ZXDC: variants seen among roughly 807,000 people sequenced by gnomAD.
ZXDC encodes zinc finger protein ZXDC.
A neutral mutation model predicts 63.6 loss-of-function variants in ZXDC; 58 were observed. The observed-to-expected ratio is 0.91, with a 90% CI of 0.74 to 1.13. The LOEUF is 1.13. Among genes scored for constraint, ZXDC ranks in the 50% most tolerant of loss-of-function variants. The probability of loss-of-function intolerance (pLI) is 0.00; values close to 1 mark genes in which losing one functional copy is unlikely to be tolerated. For missense variants in ZXDC, 1,133 were observed against 1,148.9 expected (o/e 0.99, Z 0.20); for synonymous variants, 561 against 496.1 (o/e 1.13, Z -1.74).
At chr3:126,440,714 A>G in intron 8 of ZXDC, 1 of 985,574 alleles carries the variant, frequency 1.0e-6, no homozygotes, top group Non-Finnish European at 1.2e-6. Flanking sequence ...CCTCTCTAAG[A>G]CAAGCTTCAG....
At chr3:126,473,969 A>T (rs1352222704) in intron 1 of ZXDC, among the ~76,000 whole-genome samples, 1 of 152,164 alleles carries the variant, frequency 6.6e-6, no homozygotes, top group Non-Finnish European at 1.5e-5. Flanking sequence ...AAAGCAGGGA[A>T]AGCTGCCCAT....
chr3:126,464,366 G>A (rs1934668388), intron 5 of ZXDC, among the ~76,000 whole-genome samples: 1 of 152,182 alleles, frequency 6.6e-6, no homozygotes, highest in Non-Finnish European at 1.5e-5. Context: ...TGACAAAGCA[G>A]TGAGGAACCC....
At chr3:126,453,113 G>A (rs530402316) in intron 7 of ZXDC, 1 of 985,400 alleles carries the variant, frequency 1.0e-6, no homozygotes, top group Non-Finnish European at 1.2e-6. Flanking sequence ...TTCCACAAAG[G>A]GGGAGAACTG....
Position 126,475,782 on chromosome 3 carries a change from TGGGGCTCGG to T in ZXDC, c.75_83del (p.Arg26_Pro28del). ...GCGCGGGGCTCGCGCCGAGCGGCGCTGGGGCTCGGCGGAGCGGGCCGGGGCCGCCGCCAT... is the reference window on the plus strand; with the variant it reads ...GCGCGGGGCTCGCGCCGAGCGGCGCTCGGAGCGGGCCGGGGCCGCCGCCAT... On this transcript the variant is annotated inframe_deletion, in exon 1 of 10. Transcript: ENST00000389709. The T allele has an allele frequency of 3.6e-6, 4 of 1,121,686 alleles. No individual in the cohort carries two copies. The highest frequency in any genetic ancestry group is 4.4e-6 in the Non-Finnish European group (4 of 919,368). The allele number at this position is 1,121,686 out of a possible 1,614,324, so 69.5% of individuals were successfully genotyped here.
chr3:126,466,900 G>A (rs918836063), intron 4 of ZXDC, among the ~76,000 whole-genome samples: 2 of 152,102 alleles, frequency 1.3e-5, no homozygotes, highest in Admixed American at 1.3e-4. Flanking sequence ...AGGCATCAGA[G>A]GAAAAACAAG....
intron 7 of ZXDC, among the ~76,000 whole-genome samples, chr3:126,445,823 TC>T (rs1252664981): frequency 6.6e-6 from 1 of 151,994 alleles, no homozygotes; most frequent in Non-Finnish European, 1.5e-5. Flanking sequence ...TGTCCTAGAA[TC>T]CCTGACGGTA....
intron 9 of ZXDC, among the ~76,000 whole-genome samples, 187 bp from the exon 10 acceptor site, chr3:126,438,648 A>G (rs975366528): frequency 1.3e-5 from 2 of 152,218 alleles, no homozygotes; most frequent in African/African-American, 2.4e-5. Flanking sequence ...ACTGTACTGT[A>G]AATTTTTCAA....
At chr3:126,466,358 A>G (rs1934765953) in intron 4 of ZXDC, 33 bp from the exon 5 acceptor site, 2 of 1,613,142 alleles carry the variant, frequency 1.2e-6, no homozygotes, top group African/African-American at 1.3e-5. Context: ...AGTGAAACCC[A>G]AGGATCACCA....
At chr3:126,451,116 C>T (rs1483848557) in intron 7 of ZXDC, 14 of 985,334 alleles carry the variant, frequency 1.4e-5, no homozygotes, top group Non-Finnish European at 1.6e-5. Flanking sequence ...CTCTATTGCT[C>T]ACCATTTTGA....
intron 8 of ZXDC, chr3:126,441,108 C>T: frequency 1.0e-6 from 1 of 985,700 alleles, no homozygotes; most frequent in Non-Finnish European, 1.2e-6. Flanking sequence ...CTCCCCATTC[C>T]AGCCCCTCAA....
chr3:126,452,613 T>C, intron 7 of ZXDC: 8 of 963,362 alleles, frequency 8.3e-6, no homozygotes, highest in Non-Finnish European at 7.4e-6. Flanking sequence ...CATTAAATCA[T>C]TCTCAAGCTA....
rs777028588 is a variant in ZXDC at position 126,475,657 on chromosome 3, C to G, written c.209G>C (p.Ser70Thr). The G allele has an allele frequency of 2.1e-6, 3 of 1,448,650 alleles. No individual in the cohort carries two copies. In the South Asian group the frequency reaches 3.9e-5, roughly 19 times the overall value. 89.7% of individuals were successfully genotyped at this position (1,448,650 alleles called of 1,614,324 possible). Residue 70 changes from serine (S) to threonine (T), a missense_variant, in exon 1 of 10, where the codon AGC (serine) becomes ACC (threonine). Transcript: ENST00000389709. ...CAGCACCAAGAAAGAGTCGCCGTCG[C>G]TGTCGTCCTCGGCGGGCGGCGGGCT... Reference protein sequence around the residue: ...GPSPPPAEDDSDGDSFLVLLE... With the variant: ...GPSPPPAEDDTDGDSFLVLLE...
chr3:126,440,126 T>C, intron 8 of ZXDC: 1 of 1,020,816 alleles, frequency 9.8e-7, no homozygotes, highest in Non-Finnish European at 1.2e-6. Context: ...CAGAGGGCCT[T>C]CCCTGCATGC....
At chr3:126,440,066 C>T in intron 8 of ZXDC, 3 of 1,123,018 alleles carry the variant, frequency 2.7e-6, no homozygotes, top group Non-Finnish European at 3.3e-6. Context: ...CCCTGTACCC[C>T]CACCAACCTT....
rs755714948 is a variant in ZXDC at position 126,470,875 on chromosome 3, A to G, written c.1270+20T>C. The G allele has an allele frequency of 6.2e-7, 1 of 1,613,642 alleles. No individual in the cohort carries two copies. Among genetic ancestry groups the G allele is most frequent in the African/African-American group, 1.3e-5 (1 of 75,068 alleles). On this transcript the variant is annotated intron_variant, in intron 4 of 9. Coordinates refer to ENST00000389709, the MANE Select transcript of ZXDC (RefSeq NM_025112.5). Reference sequence around the variant, plus strand: ...GCATTGCACTTAGTTTACTGCTCAAAGCAATGTTTTAAAATCTACCTTCCA... The same window carrying G: ...GCATTGCACTTAGTTTACTGCTCAAGGCAATGTTTTAAAATCTACCTTCCA...
In ZXDC at chr3:126,438,279, G is replaced by T. The variant is rs867725660; in HGVS notation, c.*96C>A. The T allele has an allele frequency of 2.8e-6, 3 of 1,062,150 alleles. No homozygotes were observed. The highest frequency in any genetic ancestry group is 2.7e-5 in the South Asian group (2 of 73,630). 65.8% of individuals were successfully genotyped at this position (1,062,150 alleles called of 1,614,324 possible). ...AAAGGGCTACGCTGGTCTTCTGAAC[G>T]GAAACCAAATGAGGTCTCCCCAGGC... On this transcript the variant is annotated 3_prime_UTR_variant, in exon 10 of 10. Coordinates refer to ENST00000389709, the MANE Select transcript of ZXDC (RefSeq NM_025112.5).
chr3:126,441,369 G>T (rs1197106034), intron 8 of ZXDC: 1 of 1,030,280 alleles, frequency 9.7e-7, no homozygotes, highest in South Asian at 4.6e-5. Flanking sequence ...TGGCTGAGAC[G>T]GCCTGCGGAG....
chr3:126,458,196 G>A (rs894244965), intron 7 of ZXDC, among the ~76,000 whole-genome samples: 5 of 151,274 alleles, frequency 3.3e-5, no homozygotes, highest in African/African-American at 1.2e-4. Flanking sequence ...TTTTAAAGAA[G>A]TGGCAACATT....
At chr3:126,455,768 C>A (rs911066069) in intron 7 of ZXDC, among the ~76,000 whole-genome samples, 2 of 151,906 alleles carry the variant, frequency 1.3e-5, no homozygotes, top group African/African-American at 4.8e-5. Context: ...GAGGCCGAGG[C>A]GGGCGGATCA....
Sources: gnomAD v4.1 joint callset for allele counts (sites outside exome capture counted in the v4.1 genomes callset) on GRCh38, gnomAD v4.1.1 for gene constraint, MANE v1.5 for transcripts, NCBI Gene and HGNC (gene_info 2026-07-23, HGNC 2026-07-21) for gene names.